The following LHFPL3 variants were observed in gnomAD, a reference collection of about 807,000 sequenced individuals.
LHFPL3 encodes LHFPL tetraspan subfamily member 3.
Under a neutral mutation model 19.3 loss-of-function variants are expected in LHFPL3, and 5 were observed. The ratio of observed to expected loss-of-function variants is 0.26; its 90% CI spans 0.14 to 0.54. The LOEUF (loss-of-function observed/expected upper bound fraction) is 0.54. Ranked by LOEUF, LHFPL3 falls within the 20% of genes least tolerant of loss-of-function variation. LHFPL3 has a pLI of 0.94. For missense variants in LHFPL3, 249 were observed against 307.4 expected, an observed-to-expected ratio of 0.81 and a Z score of 1.42; for synonymous variants, 133 against 126.2, an observed-to-expected ratio of 1.05 and a Z score of -0.36.
intron 1 of LHFPL3, among the ~76,000 whole-genome samples, chr7:104,674,309 A>G (rs990627169): frequency 1.4e-4 from 21 of 151,586 alleles, no homozygotes; most frequent in Non-Finnish European, 2.2e-4. Context: ...ATTCTACAAT[A>G]TATTTGACCA....
intron 2 of LHFPL3, among the ~76,000 whole-genome samples, chr7:104,772,485 T>A (rs916117041): frequency 6.6e-6 from 1 of 151,626 alleles, no homozygotes; most frequent in Non-Finnish European, 1.5e-5. Flanking sequence ...CCACCAGCCC[T>A]ACAAGGACAC....
Position 104,329,227 on chromosome 7 carries a change from G to A in LHFPL3, c.445+3G>A. On this transcript the variant is annotated splice_donor_region_variant and intron_variant, in intron 1 of 2. Coordinates refer to ENST00000424859, the MANE Select transcript of LHFPL3 (RefSeq NM_199000.3). ...TGCCTGGATGCAGCTCACCTCCGGT[G>A]AGTGCGCGCTCACCTCCGCGGAGGC... The A allele has an allele frequency of 6.3e-7, 1 of 1,597,590 alleles. No homozygotes were observed. Among genetic ancestry groups the A allele is most frequent in the Non-Finnish European group, 8.6e-7 (1 of 1,168,884 alleles).
intron 1 of LHFPL3, among the ~76,000 whole-genome samples, chr7:104,716,405 A>G (rs551622308): frequency 1.3e-5 from 2 of 152,238 alleles, no homozygotes; most frequent in East Asian, 3.9e-4. Context: ...TGCAGTTGAC[A>G]TGATGTTATA....
At chr7:104,694,159 G>A (rs370493738) in intron 1 of LHFPL3, among the ~76,000 whole-genome samples, 2 of 152,134 alleles carry the variant, frequency 1.3e-5, no homozygotes, top group East Asian at 1.9e-4. Flanking sequence ...AACCAAAGTG[G>A]CATAGAATTT....
intron 1 of LHFPL3, among the ~76,000 whole-genome samples, chr7:104,603,692 C>T (rs146123273): frequency 3.0e-4 from 46 of 152,332 alleles, no homozygotes; most frequent in African/African-American, 9.9e-4. Context: ...GATAGACATT[C>T]CCATACCAAA....
At chr7:104,569,055 C>A (rs1386737533) in intron 1 of LHFPL3, among the ~76,000 whole-genome samples, 1 of 152,162 alleles carries the variant, frequency 6.6e-6, no homozygotes, top group Non-Finnish European at 1.5e-5. Context: ...ACCTCTAATG[C>A]TGCTTATTAC....
chr7:104,780,952 C>T (rs1794707337), intron 2 of LHFPL3, among the ~76,000 whole-genome samples: 1 of 152,176 alleles, frequency 6.6e-6, no homozygotes, highest in South Asian at 2.1e-4. Context: ...GATTTCTGAC[C>T]AGTGTGCCCT....
intron 1 of LHFPL3, among the ~76,000 whole-genome samples, chr7:104,664,059 T>C (rs117341570): frequency 0.023 from 3,449 of 152,322 alleles, 88 homozygotes; most frequent in Non-Finnish European, 0.037. Flanking sequence ...ATGATGACTT[T>C]TAGAAAACTG....
chr7:104,744,227 G>C (rs1486391889), intron 2 of LHFPL3: 2 of 152,034 alleles, frequency 1.3e-5, no homozygotes, highest in African/African-American at 2.4e-5. Context: ...ACAGCTTTTA[G>C]ATAATGTTAT....
chr7:104,814,770 C>T (rs904287526), intron 2 of LHFPL3, among the ~76,000 whole-genome samples: 3 of 152,222 alleles, frequency 2.0e-5, no homozygotes, highest in Admixed American at 6.5e-5. Context: ...AGGGTGCTGG[C>T]GTGTCAGCAC....
intron 1 of LHFPL3, among the ~76,000 whole-genome samples, chr7:104,340,223 G>T (rs1789919991): frequency 6.6e-6 from 1 of 151,940 alleles, no homozygotes; most frequent in African/African-American, 2.4e-5. Context: ...GCAAGTTATA[G>T]ACATTTAAAA....
intron 1 of LHFPL3, among the ~76,000 whole-genome samples, chr7:104,357,241 A>G (rs1232633044): frequency 6.6e-6 from 1 of 152,212 alleles, no homozygotes; most frequent in African/African-American, 2.4e-5. Flanking sequence ...GTCTCGTAGT[A>G]TCATGAAGAT....
intron 1 of LHFPL3, among the ~76,000 whole-genome samples, chr7:104,543,422 C>A (rs1794525291): frequency 6.6e-6 from 1 of 151,712 alleles, no homozygotes; most frequent in South Asian, 2.1e-4. Flanking sequence ...GGGTATATAC[C>A]CAAAGGATTA....
At chr7:104,651,369 G>A (rs1420109627) in intron 1 of LHFPL3, among the ~76,000 whole-genome samples, 6 of 152,222 alleles carry the variant, frequency 3.9e-5, no homozygotes, top group African/African-American at 1.2e-4. Flanking sequence ...TGCATCGTAA[G>A]CTGTGTGAAC....
chr7:104,887,393 A>G (rs190555331), intron 2 of LHFPL3, among the ~76,000 whole-genome samples: 29 of 152,344 alleles, frequency 1.9e-4, no homozygotes, highest in Non-Finnish European at 3.8e-4. Flanking sequence ...AAGGTGGTCA[A>G]TAAAGGGAGT....
At chr7:104,518,837 AGATAGAT>A (rs2115799097) in intron 1 of LHFPL3, among the ~76,000 whole-genome samples, 1 of 151,346 alleles carries the variant, frequency 6.6e-6, no homozygotes, top group East Asian at 1.9e-4. Flanking sequence ...ATAGATAGAT[AGATAGAT>A]AGAATAAATA....
At chr7:104,338,122 G>A (rs1329926679) in intron 1 of LHFPL3, among the ~76,000 whole-genome samples, 7 of 83,704 alleles carry the variant, frequency 8.4e-5, no homozygotes, top group African/African-American at 1.7e-4. Context: ...TTTTTGAGAC[G>A]GAGTCTCGCT....
At chr7:104,343,369 C>T (rs750381326) in intron 1 of LHFPL3, among the ~76,000 whole-genome samples, 7 of 151,242 alleles carry the variant, frequency 4.6e-5, no homozygotes, top group East Asian at 1.9e-4. Flanking sequence ...AAAAATTAGC[C>T]GGGCATGGTG....
At chr7:104,577,411 G>A (rs1048688121) in intron 1 of LHFPL3, among the ~76,000 whole-genome samples, 2 of 152,030 alleles carry the variant, frequency 1.3e-5, no homozygotes, top group Non-Finnish European at 2.9e-5. Flanking sequence ...TAGAAAGAAA[G>A]ATATCTAACA....
Sources: allele counts gnomAD v4.1 joint callset (sites outside exome capture counted in the v4.1 genomes callset), GRCh38; gene constraint gnomAD v4.1.1; transcripts MANE v1.5; gene names NCBI Gene and HGNC (gene_info 2026-07-23, HGNC 2026-07-21).